Variants in CLN8 observed in about 807,000 individuals in gnomAD.
CLN8 encodes the protein CLN8 transmembrane ER and ERGIC protein, also known as protein CLN8.
A neutral mutation model predicts 15.7 loss-of-function variants in CLN8; 14 were observed. That is an observed-to-expected ratio of 0.89 (90% confidence interval 0.59 to 1.39). CLN8 has a LOEUF of 1.39. CLN8 is among the 40% of genes most tolerant of loss of function. The pLI is 0.00. For synonymous variants in CLN8, 188 were observed against 151.0 expected (o/e 1.25, Z -1.80); for missense variants, 415 against 364.0 (o/e 1.14, Z -1.14).
At chr8:1,754,190 TC>T (rs1563095076), upstream of CLN8, among the ~76,000 whole-genome samples, 1 of 152,174 alleles carries the variant, frequency 6.6e-6, no homozygotes, top group Non-Finnish European at 1.5e-5. Context: ...TCCTATCAAA[TC>T]CCCTGCAAGT....
chr8:1,766,705 T>C (rs1801076291), intron 1 of CLN8, among the ~76,000 whole-genome samples: 1 of 152,146 alleles, frequency 6.6e-6, no homozygotes, highest in African/African-American at 2.4e-5. Flanking sequence ...CGGCCTCCAG[T>C]TTTACCCATG....
chr8:1,758,808 A>G (rs1287212500), upstream of CLN8: 4 of 152,182 alleles, frequency 2.6e-5, no homozygotes, highest in African/African-American at 9.7e-5. Context: ...GGGTTACGAT[A>G]AAGGTTGTGG....
At chr8:1,766,454 A>C (rs1023378974) in intron 1 of CLN8, among the ~76,000 whole-genome samples, 2 of 141,622 alleles carry the variant, frequency 1.4e-5, no homozygotes, top group African/African-American at 5.4e-5. Context: ...CAGTGGCGCT[A>C]TCTCAGCTCA....
chr8:1,760,535 T>A (rs776870010), upstream of CLN8: 2 of 152,174 alleles, frequency 1.3e-5, no homozygotes, highest in Admixed American at 6.6e-5. Context: ...CACTCTGCTT[T>A]AAAGATGGCC....
chr8:1,780,149 G>A, intron 2 of CLN8, 101 bp from the exon 3 acceptor site: 1 of 1,599,150 alleles, frequency 6.3e-7, no homozygotes, highest in South Asian at 1.1e-5. Context: ...AAATGAATTT[G>A]TTTTGTTTGG....
upstream of CLN8, chr8:1,761,919 C>T (rs1398334700): frequency 6.6e-6 from 1 of 152,220 alleles, no homozygotes. Context: ...TAATCTCCAG[C>T]TGCATGAATT....
At chr8:1,771,762 A>G (rs1401740124) in intron 2 of CLN8, among the ~76,000 whole-genome samples, 165 bp downstream of exon 2, 2 of 151,996 alleles carry the variant, frequency 1.3e-5, no homozygotes, top group African/African-American at 2.4e-5. Flanking sequence ...TTGTTTATTT[A>G]TTTATTTATT....
At position 1,782,491 on chromosome 8, in the gene CLN8, G is replaced by A. The variant is rs991494035; in HGVS notation, c.*1924G>A. 6.6e-6 allele frequency: 1 copy of A among 152,152 alleles called. No homozygotes were observed. The highest frequency in any genetic ancestry group is 1.5e-5 in the Non-Finnish European group (1 of 68,028). 9.4% of individuals were successfully genotyped at this position (152,152 alleles called of 1,614,324 possible). On this transcript the variant is annotated 3_prime_UTR_variant, in exon 3 of 3. Coordinates refer to ENST00000331222, the MANE Select transcript of CLN8 (RefSeq NM_018941.4). ...CTGGTGCTTTAACTATATTGACCAAGGTGTATAGTAACCTATTTATCACAT... is the reference window on the plus strand; with the variant it reads ...CTGGTGCTTTAACTATATTGACCAAAGTGTATAGTAACCTATTTATCACAT...
At chr8:1,778,309 T>A (rs1468439219) in intron 2 of CLN8, among the ~76,000 whole-genome samples, 2 of 152,230 alleles carry the variant, frequency 1.3e-5, no homozygotes, top group African/African-American at 4.8e-5. Flanking sequence ...GTAGCCTAAC[T>A]CTATAATTTC....
chr8:1,761,973 C>T (rs1458446738), upstream of CLN8: 1 of 152,200 alleles, frequency 6.6e-6, no homozygotes, highest in African/African-American at 2.4e-5. Context: ...GTTAGTCCTA[C>T]AAAGGCAGTC....
At position 1,781,420 on chromosome 8, in the gene CLN8, T is replaced by TGGC. The variant is rs903749796; in HGVS notation, c.*854_*856dup. On this transcript the variant is annotated 3_prime_UTR_variant, in exon 3 of 3. Transcript: ENST00000331222. ...CGAAGTGTACGGCAGTGCCATCTGG[T>TGGC]GGCAAGTGGTACAAAGACAACGCTG... The TGGC allele has an allele frequency of 5.5e-5, 8 of 145,012 alleles. No homozygotes were observed. Among genetic ancestry groups the TGGC allele is most frequent in the African/African-American group, 1.5e-4 (6 of 38,950 alleles). The allele number at this position is 145,012 out of a possible 1,614,324, so 9.0% of individuals were successfully genotyped here. A position where few individuals can be genotyped will look rare whatever the true frequency, so the allele number is the denominator to read the frequency against.
At chr8:1,764,244 T>C (rs1800946150) in intron 1 of CLN8, 1 of 152,206 alleles carries the variant, frequency 6.6e-6, no homozygotes. Context: ...TGGGGGACTT[T>C]CGAGCCCCGC....
rs1801833418 is a variant in CLN8 at position 1,786,504 on chromosome 8, T to A, written c.*5937T>A. ...GTACTTCACTCTTAGTAAAATGTAT[T>A]TACTATTTTAGTAACAAAAATATAC... On this transcript the variant is annotated 3_prime_UTR_variant, in exon 3 of 3. Transcript: ENST00000331222. The A allele has an allele frequency of 1.3e-5, 2 of 152,244 alleles. No individual in the cohort carries two copies. Among genetic ancestry groups the A allele is most frequent in the South Asian group, 4.1e-4 (2 of 4,828 alleles). 9.4% of individuals were successfully genotyped at this position (152,244 alleles called of 1,614,324 possible). A position where few individuals can be genotyped will look rare whatever the true frequency, so the allele number is the denominator to read the frequency against.
At chr8:1,773,143 G>A (rs1563109491) in intron 2 of CLN8, among the ~76,000 whole-genome samples, 2 of 152,148 alleles carry the variant, frequency 1.3e-5, no homozygotes, top group African/African-American at 4.8e-5. Flanking sequence ...CCTGAGGTTG[G>A]CCCCATCTGG....
chr8:1,755,348 C>G (rs1390886155), upstream of CLN8, among the ~76,000 whole-genome samples: 1 of 152,114 alleles, frequency 6.6e-6, no homozygotes, highest in Admixed American at 6.6e-5. Context: ...AGATTGGATC[C>G]CCACCCGACT....
At chr8:1,774,117 C>G (rs545574301) in intron 2 of CLN8, among the ~76,000 whole-genome samples, 10 of 152,294 alleles carry the variant, frequency 6.6e-5, no homozygotes, top group African/African-American at 2.2e-4. Flanking sequence ...TCTCCTGGAG[C>G]CAGGTGTGGG....
At chr8:1,765,884 A>G (rs796089316) in intron 1 of CLN8, among the ~76,000 whole-genome samples, 1 of 152,374 alleles carries the variant, frequency 6.6e-6, no homozygotes, top group African/African-American at 2.4e-5. Context: ...GTTGTAAAAC[A>G]CTGAACTTGC....
chr8:1,754,094 G>C (rs1442149973), upstream of CLN8, among the ~76,000 whole-genome samples: 3 of 152,068 alleles, frequency 2.0e-5, no homozygotes, highest in African/African-American at 7.2e-5. Flanking sequence ...GACCTTCGCT[G>C]ATACAAAAAT....
upstream of CLN8, chr8:1,761,898 T>G (rs1366952294): frequency 6.6e-6 from 1 of 152,170 alleles, no homozygotes; most frequent in Non-Finnish European, 1.5e-5. Flanking sequence ...TTAGGGAGGG[T>G]CAGAATCTTG....
Sources: gnomAD v4.1 joint callset for allele counts (sites outside exome capture counted in the v4.1 genomes callset) on GRCh38, gnomAD v4.1.1 for gene constraint, MANE v1.5 for transcripts, NCBI Gene and HGNC (gene_info 2026-07-23, HGNC 2026-07-21) for gene names.